APP: variants seen among roughly 807,000 people sequenced by gnomAD.
APP encodes the protein amyloid-beta precursor protein.
APP carries 31 observed loss-of-function variants against 101.4 expected under a neutral mutation model. The observed-to-expected ratio is 0.31, with a 90% CI of 0.23 to 0.41. APP has a LOEUF of 0.41. Among genes scored for constraint, APP ranks in the 10% least tolerant of loss-of-function variants. The pLI is 1.00. For missense variants in APP, 839 were observed against 1,003.7 expected (o/e 0.84, Z 2.22); for synonymous variants, 366 against 364.4 (o/e 1.00, Z -0.05).
chr21:26,044,168 C>A (rs1203112193), intron 5 of APP, among the ~76,000 whole-genome samples: 2 of 152,134 alleles, frequency 1.3e-5, no homozygotes, highest in South Asian at 4.1e-4. Context: ...AAAAAGTCTG[C>A]ATAGTCCCAG....
Position 26,000,296 on chromosome 21 carries a change from T to C in APP, c.866-114A>G, listed in dbSNP as rs1037935367. The C allele has an allele frequency of 1.2e-5, 16 of 1,310,958 alleles. No individual in the cohort carries two copies. In the Admixed American group the frequency reaches 2.1e-4, roughly 17 times the overall value. 81.2% of individuals were successfully genotyped at this position (1,310,958 alleles called of 1,614,324 possible). A position where few individuals can be genotyped will look rare whatever the true frequency, so the allele number is the denominator to read the frequency against. ...CCCAGTGGCAACCTGGACTGGTTTATTAGGCAGCATCTACCAAACATTTAC... is the reference window on the plus strand; with the variant it reads ...CCCAGTGGCAACCTGGACTGGTTTACTAGGCAGCATCTACCAAACATTTAC... On this transcript the variant is annotated intron_variant, in intron 6 of 17. Coordinates refer to ENST00000346798, the MANE Select transcript of APP (RefSeq NM_000484.4).
intron 3 of APP, among the ~76,000 whole-genome samples, chr21:26,070,854 A>G (rs2061398777): frequency 6.6e-6 from 1 of 152,208 alleles, no homozygotes; most frequent in South Asian, 2.1e-4. Context: ...ACAAGATCCC[A>G]TGTCAGATAG....
intron 3 of APP, among the ~76,000 whole-genome samples, chr21:26,066,485 A>T (rs1231065697): frequency 1.0e-5 from 1 of 97,602 alleles, no homozygotes; most frequent in Non-Finnish European, 2.1e-5. Context: ...TCCACTCCCC[A>T]TTCCCCCACC....
At chr21:25,991,597 C>T (rs750981462) in intron 8 of APP, among the ~76,000 whole-genome samples, 141 of 152,276 alleles carry the variant, frequency 9.3e-4, no homozygotes, top group Non-Finnish European at 1.5e-3. Context: ...AGGCTGGTCT[C>T]GAATTCCTGA....
chr21:25,913,950 C>G (rs537534892), intron 13 of APP, among the ~76,000 whole-genome samples: 1 of 152,118 alleles, frequency 6.6e-6, no homozygotes, highest in Non-Finnish European at 1.5e-5. Flanking sequence ...GCTTTGACTT[C>G]TCCCTCCCAC....
intron 5 of APP, among the ~76,000 whole-genome samples, chr21:26,039,188 T>A (rs2045262934): frequency 6.6e-6 from 1 of 152,228 alleles, no homozygotes. Context: ...CTTTCCCAGT[T>A]TGTTATCTAA....
chr21:25,990,000 T>C (rs1470168202), intron 8 of APP, among the ~76,000 whole-genome samples: 1 of 152,138 alleles, frequency 6.6e-6, no homozygotes, highest in African/African-American at 2.4e-5. Context: ...CATTCAAATA[T>C]TTATCCTAAC....
intron 11 of APP, among the ~76,000 whole-genome samples, chr21:25,972,664 T>C (rs147975209): frequency 6.6e-6 from 1 of 152,094 alleles, no homozygotes; most frequent in African/African-American, 2.4e-5. Context: ...ACCTCCTGAG[T>C]TGCTGGGATT....
chr21:25,982,234 A>T, intron 9 of APP, 110 bp downstream of exon 9: 2 of 1,237,910 alleles, frequency 1.6e-6, no homozygotes, highest in Non-Finnish European at 2.4e-6. Flanking sequence ...TTAGAACTTT[A>T]CATCTTTAAA....
intron 8 of APP, among the ~76,000 whole-genome samples, chr21:25,995,457 G>C (rs551006767): frequency 9.6e-3 from 1 of 104 alleles, no homozygotes; most frequent in African/African-American, 0.029. Context: ...CGGCCAAAAC[G>C]TCATTTTGGG....
intron 17 of APP, among the ~76,000 whole-genome samples, chr21:25,885,208 C>T (rs868029073): frequency 6.6e-6 from 1 of 152,180 alleles, no homozygotes; most frequent in East Asian, 1.9e-4. Flanking sequence ...ATGCGAAAAT[C>T]TGAGTACTCA....
intron 1 of APP, chr21:26,140,180 C>T: frequency 6.5e-7 from 1 of 1,535,898 alleles, no homozygotes; most frequent in Non-Finnish European, 8.7e-7. Flanking sequence ...CCAACAAGTC[C>T]TCTAATTGGT....
intron 8 of APP, among the ~76,000 whole-genome samples, chr21:25,996,193 C>A (rs891755230): frequency 6.6e-6 from 1 of 152,124 alleles, no homozygotes; most frequent in Non-Finnish European, 1.5e-5. Flanking sequence ...GTAAGTAAGG[C>A]CTGCAGTGGC....
chr21:25,967,771 G>GT (rs774853959), intron 11 of APP, among the ~76,000 whole-genome samples: 4 of 152,214 alleles, frequency 2.6e-5, no homozygotes, highest in Non-Finnish European at 5.9e-5. Context: ...GCTATGAATA[G>GT]TTTGAGTACG....
intron 5 of APP, among the ~76,000 whole-genome samples, chr21:26,030,388 T>C (rs923944552): frequency 6.6e-6 from 1 of 152,212 alleles, no homozygotes; most frequent in Admixed American, 6.5e-5. Flanking sequence ...GTTAATTTTG[T>C]GGGTGAGATG....
At position 25,911,602 on chromosome 21, in the gene APP, T is replaced by C. The variant is rs546110791; in HGVS notation, c.1909+139A>G. On this transcript the variant is annotated intron_variant, in intron 14 of 17. Transcript: ENST00000346798. ...GTATTTACTTTTTAAAGTAAAATTA[T>C]AATGAAAATATTTATGACTACATCA... The C allele has an allele frequency of 1.1e-3, 747 of 704,524 alleles. 17 individuals are homozygous for C. In the South Asian group the frequency reaches 0.011, roughly 11 times the overall value. The allele number at this position is 704,524 out of a possible 1,614,324, so 43.6% of individuals were successfully genotyped here. A position where few individuals can be genotyped will look rare whatever the true frequency, so the allele number is the denominator to read the frequency against.
At chr21:25,989,480 C>G (rs1318368567) in intron 8 of APP, among the ~76,000 whole-genome samples, 1 of 152,168 alleles carries the variant, frequency 6.6e-6, no homozygotes, top group Non-Finnish European at 1.5e-5. Context: ...ACAATGGACT[C>G]AGGACACAAA....
At chr21:26,059,725 C>T (rs188423268) in intron 3 of APP, among the ~76,000 whole-genome samples, 3 of 151,896 alleles carry the variant, frequency 2.0e-5, no homozygotes, top group Non-Finnish European at 2.9e-5. Context: ...CCCGTCTCTA[C>T]TAAAAATACA....
intron 5 of APP, among the ~76,000 whole-genome samples, chr21:26,022,897 T>C (rs1269914748): frequency 6.8e-6 from 1 of 146,916 alleles, no homozygotes; most frequent in Non-Finnish European, 1.5e-5. Context: ...GGATGCCTGC[T>C]GGAACTCACA....
Sources: allele counts gnomAD v4.1 joint callset (sites outside exome capture counted in the v4.1 genomes callset), GRCh38; gene constraint gnomAD v4.1.1; transcripts MANE v1.5; gene names NCBI Gene and HGNC (gene_info 2026-07-23, HGNC 2026-07-21).